The following CUZD1 variants were observed in gnomAD, a reference collection of about 807,000 sequenced individuals.
CUZD1 encodes the protein CUB and zona pellucida-like domain-containing protein 1.
A neutral mutation model predicts 53.1 loss-of-function variants in CUZD1; 42 were observed. The ratio of observed to expected loss-of-function variants is 0.79; its 90% CI spans 0.62 to 1.02. The LOEUF is 1.02. Ranked by LOEUF, CUZD1 falls within the 50% of genes least tolerant of loss-of-function variation. The pLI is 0.00. For synonymous variants in CUZD1, 238 were observed against 257.2 expected, an observed-to-expected ratio of 0.93 and a Z score of 0.71; for missense variants, 670 against 715.7, an observed-to-expected ratio of 0.94 and a Z score of 0.73.
At chr10:122,839,835 A>C (rs1287186026) in intron 2 of CUZD1, among the ~76,000 whole-genome samples, 1 of 152,232 alleles carries the variant, frequency 6.6e-6, no homozygotes, top group African/African-American at 2.4e-5. Context: ...ATAGGAAGTA[A>C]GACAAGGGTA....
In CUZD1 at chr10:122,839,127, A is replaced by T; in HGVS notation, c.338T>A (p.Val113Asp). ...ACTGGATGATGATTCAAATACAGGA[A>T]CATAGTCGTTTTTACTGCAGACTTG... ...LGQVCSKNDYVPVFESSSSTL... is the reference protein window; with the variant it reads ...LGQVCSKNDYDPVFESSSSTL... The change falls in exon 3 of 9, where the codon GTT (valine) becomes GAT (aspartate). Residue 113 changes from valine (V) to aspartate (D), a missense_variant. By Grantham distance (152) the Val-to-Asp change is radical. Transcript: ENST00000392790. 1 of 1,614,184 alleles carries T rather than the reference A, an allele frequency of 6.2e-7. No homozygotes were observed. Among genetic ancestry groups the T allele is most frequent in the Non-Finnish European group, 8.5e-7 (1 of 1,179,994 alleles).
rs1386480245 is a variant in CUZD1 at position 122,837,148 on chromosome 10, T to A, written c.600-100A>T. The A allele has an allele frequency of 3.9e-6, 4 of 1,035,100 alleles. No individual in the cohort carries two copies. The East Asian group carries it at 1.0e-4, about 27-fold the overall frequency. 64.1% of individuals were successfully genotyped at this position (1,035,100 alleles called of 1,614,324 possible). ...TACTCTTAAGTGATTATGGATTTTT[T>A]TTTTCCTTCAATGGTATCTCAGGTT... On this transcript the variant is annotated intron_variant, in intron 4 of 8. Coordinates refer to ENST00000392790, the MANE Select transcript of CUZD1 (RefSeq NM_022034.6).
intron 2 of CUZD1, among the ~76,000 whole-genome samples, chr10:122,840,562 A>T (rs1847324763): frequency 6.6e-6 from 1 of 152,110 alleles, no homozygotes; most frequent in African/African-American, 2.4e-5. Flanking sequence ...CGTTGTTGAG[A>T]GGATTAACTA....
intron 7 of CUZD1, among the ~76,000 whole-genome samples, chr10:122,834,484 T>G (rs1010167422): frequency 2.0e-5 from 3 of 152,204 alleles, no homozygotes; most frequent in Non-Finnish European, 4.4e-5. Flanking sequence ...GTGAATACAC[T>G]TAAAATTCTA....
chr10:122,841,176 A>G lies in CUZD1; in HGVS notation c.233+2T>C. 6.2e-7 allele frequency: 1 copy of G among 1,611,612 alleles called. No individual in the cohort carries two copies. Among genetic ancestry groups the G allele is most frequent in the Non-Finnish European group, 8.5e-7 (1 of 1,178,820 alleles). On this transcript the variant is annotated splice_donor_variant, in intron 2 of 8. Coordinates refer to ENST00000392790, the MANE Select transcript of CUZD1 (RefSeq NM_022034.6). LOFTEE classifies it high-confidence loss of function. ...TATTAGGAAACTAAAGCTTCTACTT[A>G]CTGGACATAGGAAAAGATAATTCTG...
rs761006324 is a variant in CUZD1, at chr10:122,834,358, C to T, written c.1382+348G>A. 6.6e-5 allele frequency among the ~76,000 whole-genome samples: 10 copies of T among 152,044 alleles called. No individual in the cohort carries two copies. The South Asian group carries it at 8.3e-4, about 13-fold the overall frequency. ...TGATGGCGTTATATTTTAAAGATAA[C>T]GCACATGAAATAATCTTCTAGATTT... On this transcript the variant is annotated intron_variant, in intron 7 of 8. Transcript: ENST00000392790.
intron 1 of CUZD1, among the ~76,000 whole-genome samples, chr10:122,843,577 C>G (rs563251208): frequency 6.6e-6 from 1 of 152,204 alleles, no homozygotes; most frequent in African/African-American, 2.4e-5. Flanking sequence ...GCTGAACCCA[C>G]AGGTACTGAG....
chr10:122,837,395 A>C lies in CUZD1; in HGVS notation c.599+9T>G, dbSNP rs747156348. On this transcript the variant is annotated intron_variant, in intron 4 of 8. Coordinates refer to ENST00000392790, the MANE Select transcript of CUZD1 (RefSeq NM_022034.6). ...ATTTGTTCCAACAGAATTGGGCAGC[A>C]GTACTTACAAAATCTCTTTGAAGTT... The C allele has an allele frequency of 5.0e-6, 8 of 1,613,956 alleles. No individual in the cohort carries two copies. The Admixed American group carries it at 1.3e-4, about 27-fold the overall frequency.
chr10:122,833,290 T>C (rs796241128), intron 8 of CUZD1, among the ~76,000 whole-genome samples: 9 of 152,276 alleles, frequency 5.9e-5, no homozygotes, highest in African/African-American at 1.9e-4. Context: ...TAGGCTATTA[T>C]GTGGAATGCT....
intron 1 of CUZD1, among the ~76,000 whole-genome samples, chr10:122,845,444 T>A (rs1847421403): frequency 6.6e-6 from 1 of 152,194 alleles, no homozygotes; most frequent in South Asian, 2.1e-4. Flanking sequence ...TAATGAAAAT[T>A]CATGTTGTAG....
chr10:122,835,082 T>G lies in CUZD1; in HGVS notation c.1006A>C (p.Ile336Leu). The G allele has an allele frequency of 6.4e-7, 1 of 1,568,416 alleles. No individual in the cohort carries two copies. Among genetic ancestry groups the G allele is most frequent in the Non-Finnish European group, 8.6e-7 (1 of 1,157,652 alleles). ...GTIRKVEDQS[I>L]TYTNIITFSA... ...AAGGTGATTATATTGGTGTAAGTAA[T>G]TGACTGATCTTCTACCTGCAGAACG... The change falls in exon 7 of 9, where the codon ATT becomes CTT. Residue 336 changes from isoleucine (I) to leucine (L), a missense_variant. Transcript: ENST00000392790.
At chr10:122,841,105 G>T (rs1847334070) in intron 2 of CUZD1, 73 bp downstream of exon 2, 1 of 1,396,440 alleles carries the variant, frequency 7.2e-7, no homozygotes, top group Non-Finnish European at 9.8e-7. Flanking sequence ...TCTTTCTACA[G>T]AGAGTCCCCC....
chr10:122,835,137 C>G lies in CUZD1; in HGVS notation c.991-40G>C, dbSNP rs748885871. 7.5e-6 allele frequency: 11 copies of G among 1,462,916 alleles called. No homozygotes were observed. The South Asian group carries it at 1.4e-4, about 19-fold the overall frequency. 90.6% of individuals were successfully genotyped at this position (1,462,916 alleles called of 1,614,324 possible). On this transcript the variant is annotated intron_variant, in intron 6 of 8. Transcript: ENST00000392790. ...AGAATTCAATTTTTATATTTTAAGT[C>G]CAGTAATATTTTAGAGCATAGATGT...
rs1847298334 is a variant in CUZD1 at position 122,839,190 on chromosome 10, AC to A, written c.274del (p.Val92SerfsTer12). On this transcript the variant is annotated frameshift_variant, in exon 3 of 9. Transcript: ENST00000392790. LOFTEE classifies it high-confidence loss of function. Reference protein sequence around the residue: ...DGSCESENIKVFDGTSSNGPL... With the variant: ...DGSCESENIKXFDGTSSNGPL... ...CCCATTGCTGGAGGTTCCGTCAAAG[AC>A]TTTAATGTTTTCACTTTCACAGCTT... The A allele has an allele frequency of 6.2e-7, 1 of 1,613,940 alleles. No homozygotes were observed. The highest frequency in any genetic ancestry group is 8.5e-7 in the Non-Finnish European group (1 of 1,179,952).
chr10:122,833,644 T>C, intron 8 of CUZD1, 28 bp downstream of exon 8: 2 of 1,604,526 alleles, frequency 1.2e-6, no homozygotes, highest in Non-Finnish European at 1.7e-6. Context: ...TGATGTGCTT[T>C]TGGATCATGG....
At chr10:122,838,745 G>A (rs1162951358) in intron 3 of CUZD1, among the ~76,000 whole-genome samples, 2 of 152,176 alleles carry the variant, frequency 1.3e-5, no homozygotes, top group African/African-American at 2.4e-5. Flanking sequence ...CCTTGTCTCT[G>A]CCTCATCTGG....
intron 2 of CUZD1, among the ~76,000 whole-genome samples, chr10:122,839,449 G>A (rs1157943190): frequency 1.3e-5 from 2 of 152,182 alleles, no homozygotes; most frequent in African/African-American, 4.8e-5. Flanking sequence ...CTTTGCCTAT[G>A]TCTTGTATCA....
At chr10:122,836,422 A>G (rs966973519) in intron 5 of CUZD1, 72 bp from the exon 6 acceptor site, 2 of 1,296,518 alleles carry the variant, frequency 1.5e-6, no homozygotes, top group African/African-American at 3.0e-5. Context: ...TTGAAGAGCT[A>G]CGTGTGCAAG....
intron 1 of CUZD1, among the ~76,000 whole-genome samples, chr10:122,843,541 A>G (rs1449317329): frequency 6.6e-6 from 1 of 152,188 alleles, no homozygotes; most frequent in Non-Finnish European, 1.5e-5. Context: ...AATGTTTTCA[A>G]TTCATGGTTG....
Sources: allele counts gnomAD v4.1 joint callset (sites outside exome capture counted in the v4.1 genomes callset), GRCh38; gene constraint gnomAD v4.1.1; transcripts MANE v1.5; gene names NCBI Gene and HGNC (gene_info 2026-07-23, HGNC 2026-07-21).